Variants in N4BP2 observed in about 807,000 individuals in gnomAD.
The protein encoded by N4BP2 is NEDD4 binding protein 2.
N4BP2 carries 91 observed loss-of-function variants against 152.8 expected under a neutral mutation model. The ratio of observed to expected loss-of-function variants is 0.60; its 90% CI spans 0.50 to 0.71. N4BP2 has a LOEUF of 0.71. N4BP2 is among the 30% of genes least tolerant of loss of function. The pLI, the probability that N4BP2 is intolerant of heterozygous loss-of-function variation, is 0.00. For synonymous variants in N4BP2, 646 were observed against 705.3 expected (o/e 0.92, Z 1.33); for missense variants, 1,923 against 2,059.1 (o/e 0.93, Z 1.28).
At chr4:40,062,083 T>TC (rs1733702994) in intron 1 of N4BP2, among the ~76,000 whole-genome samples, 3 of 149,662 alleles carry the variant, frequency 2.0e-5, no homozygotes, top group Non-Finnish European at 3.0e-5. Context: ...GGTTACTTTT[T>TC]TTTTTTTTTT....
intron 12 of N4BP2, among the ~76,000 whole-genome samples, chr4:40,130,471 G>A (rs910287079): frequency 6.6e-6 from 1 of 152,068 alleles, no homozygotes; most frequent in Non-Finnish European, 1.5e-5. Flanking sequence ...CCTAAGTATG[G>A]TTAAGCTTTA....
intron 1 of N4BP2, among the ~76,000 whole-genome samples, chr4:40,065,311 C>G (rs988079161): frequency 1.3e-5 from 2 of 152,118 alleles, no homozygotes; most frequent in African/African-American, 4.8e-5. Flanking sequence ...GTTTGAAGTG[C>G]CCATGGAATA....
chr4:40,159,020 A>G (rs1721784392), downstream of N4BP2, among the ~76,000 whole-genome samples: 1 of 152,206 alleles, frequency 6.6e-6, no homozygotes, highest in South Asian at 2.1e-4. Context: ...ATACTCTCGT[A>G]TATGTTATAT....
intron 14 of N4BP2, among the ~76,000 whole-genome samples, chr4:40,138,122 A>G (rs1259736315): frequency 6.6e-6 from 1 of 152,204 alleles, no homozygotes; most frequent in East Asian, 1.9e-4. Flanking sequence ...TACAGAAAAT[A>G]AAAGACATGG....
At chr4:40,142,458 T>C in intron 14 of N4BP2, 1 of 482,784 alleles carries the variant, frequency 2.1e-6, no homozygotes, top group Non-Finnish European at 3.7e-6. Flanking sequence ...CTCCCGAGAG[T>C]GGTTAAAGAA....
Position 40,117,849 on chromosome 4 carries a change from T to C in N4BP2, c.1665-20T>C. On this transcript the variant is annotated intron_variant, in intron 7 of 17. Transcript: ENST00000261435. ...AATTATCAATATTCCTTCAACCCTT[T>C]TTTCCCCTGGAATTTTCAGGCGTAA... 1 of 1,584,968 alleles carries C rather than the reference T, an allele frequency of 6.3e-7. No individual in the cohort carries two copies. The highest frequency in any genetic ancestry group is 1.2e-5 in the South Asian group (1 of 86,058).
Position 40,118,056 on chromosome 4 carries a change from A to G in N4BP2, c.1820+32A>G, listed in dbSNP as rs777895696. Reference sequence around the variant, plus strand: ...TAAAATGCCTTATGTACAAAATTCAATTTGAAATATAATTTTTAAAAGGTA... The same window carrying G: ...TAAAATGCCTTATGTACAAAATTCAGTTTGAAATATAATTTTTAAAAGGTA... On this transcript the variant is annotated intron_variant, in intron 8 of 17. Transcript: ENST00000261435. 20 of 1,462,124 alleles carry G rather than the reference A, an allele frequency of 1.4e-5. No homozygotes were observed. The East Asian group carries it at 2.5e-4, about 18-fold the overall frequency. The allele number at this position is 1,462,124 out of a possible 1,614,324, so 90.6% of individuals were successfully genotyped here. A position where few individuals can be genotyped will look rare whatever the true frequency, so the allele number is the denominator to read the frequency against.
the N4BP2 span, among the ~76,000 whole-genome samples, chr4:40,169,235 AG>A: frequency 1.3e-5 from 2 of 151,936 alleles, no homozygotes; most frequent in African/African-American, 4.8e-5. Context: ...ATACCAAAAA[AG>A]CCTGGCATGG....
At chr4:40,147,641 C>T (rs1407375066) in intron 16 of N4BP2, among the ~76,000 whole-genome samples, 3 of 149,946 alleles carry the variant, frequency 2.0e-5, no homozygotes, top group Non-Finnish European at 4.5e-5. Flanking sequence ...GGGCTGACCC[C>T]CCACCTCCCT....
intron 5 of N4BP2, among the ~76,000 whole-genome samples, chr4:40,107,447 A>G (rs1407734559): frequency 6.6e-6 from 1 of 151,472 alleles, no homozygotes; most frequent in Non-Finnish European, 1.5e-5. Flanking sequence ...ACAGTGGTGC[A>G]ATCTGGGTTC....
the N4BP2 span, among the ~76,000 whole-genome samples, chr4:40,185,396 A>G: frequency 7.9e-5 from 12 of 152,372 alleles, no homozygotes; most frequent in Non-Finnish European, 1.6e-4. Context: ...AAAAAATTTA[A>G]AGTTAAAAGA....
chr4:40,116,061 T>C (rs1406994427), intron 7 of N4BP2, among the ~76,000 whole-genome samples: 1 of 152,158 alleles, frequency 6.6e-6, no homozygotes, highest in Non-Finnish European at 1.5e-5. Context: ...CTTTTGTCTT[T>C]AGTAGTGATT....
In N4BP2 at chr4:40,083,296, C is replaced by CAT. The variant is rs149476119; in HGVS notation, c.-115+9747_-115+9748dup. Among the ~76,000 whole-genome samples, 831 of 152,242 alleles carry CAT rather than the reference C, an allele frequency of 5.5e-3. 9 individuals carry two copies. Among genetic ancestry groups the CAT allele is most frequent in the African/African-American group, 0.018 (766 of 41,540 alleles). On this transcript the variant is annotated intron_variant, in intron 2 of 17. Coordinates refer to ENST00000261435, the MANE Select transcript of N4BP2 (RefSeq NM_018177.6). ...TTTGGCAGTTCCTCAAAAGGTTAAA[C>CAT]ATAGAGTTACCGTATGAACTAGCAA... is the stretch of plus-strand genomic sequence containing the variant.
intron 16 of N4BP2, among the ~76,000 whole-genome samples, chr4:40,149,283 G>A (rs556497979): frequency 6.3e-4 from 96 of 152,242 alleles, no homozygotes; most frequent in Non-Finnish European, 1.1e-3. Flanking sequence ...GAGAAATGGC[G>A]GACCTTGTAA....
rs1415284116 is a variant in N4BP2, at chr4:40,152,869, G to C, written c.5233G>C (p.Ala1745Pro). 1.2e-6 allele frequency: 2 copies of C among 1,614,056 alleles called. No homozygotes were observed. Among genetic ancestry groups the C allele is most frequent in the African/African-American group, 2.7e-5 (2 of 75,046 alleles). ...SQGGVARIKPAVIKYLISHSF... is the reference protein window; with the variant it reads ...SQGGVARIKPPVIKYLISHSF... The stretch of plus-strand genomic sequence containing the variant: ...GGGAGGAGTTGCTCGCATCAAACCA[G>C]CTGTCATTAAGTACCTCATAAGCCA... The change falls in exon 17 of 18, where the codon GCT becomes CCT. Residue 1745 changes from alanine to proline, a missense_variant. Physicochemically the swap from Ala to Pro is conservative, Grantham distance 27 (BLOSUM62 -1). Coordinates refer to ENST00000261435, the MANE Select transcript of N4BP2 (RefSeq NM_018177.6).
intron 2 of N4BP2, among the ~76,000 whole-genome samples, chr4:40,084,630 A>AT (rs34214762): frequency 0.16 from 20,018 of 126,276 alleles, 1,644 homozygotes; most frequent in Middle Eastern, 0.23. Context: ...ATATATATAT[A>AT]ATTTTTTTTT....
At chr4:40,123,295 T>A in intron 10 of N4BP2, 83 bp downstream of exon 10, 1 of 895,636 alleles carries the variant, frequency 1.1e-6, no homozygotes, top group Non-Finnish European at 1.8e-6. Flanking sequence ...CACATAATAT[T>A]AAGGAGTTCT....
intron 15 of N4BP2, among the ~76,000 whole-genome samples, chr4:40,143,448 G>A (rs1720233859): frequency 6.6e-6 from 1 of 151,958 alleles, no homozygotes; most frequent in African/African-American, 2.4e-5. Context: ...CAAATAGCTG[G>A]GACTACAGGC....
Position 40,154,242 on chromosome 4 carries a change from A to G in N4BP2, c.*5A>G, listed in dbSNP as rs1397360589. 2 of 1,584,252 alleles carry G rather than the reference A, an allele frequency of 1.3e-6. No homozygotes were observed. Among genetic ancestry groups the G allele is most frequent in the South Asian group, 2.3e-5 (2 of 88,018 alleles). On this transcript the variant is annotated 3_prime_UTR_variant, in exon 18 of 18. Transcript: ENST00000261435. ...TTGAAAGTCATGCTAAAGTAAAATA[A>G]ACATCCTTGAATTAGAAGTATGAAG...
Sources: allele counts gnomAD v4.1 joint callset (sites outside exome capture counted in the v4.1 genomes callset), GRCh38; gene constraint gnomAD v4.1.1; transcripts MANE v1.5; gene names NCBI Gene and HGNC (gene_info 2026-07-23, HGNC 2026-07-21).